Variants in PEAK1 observed in about 807,000 individuals in gnomAD.
The protein encoded by PEAK1 is inactive tyrosine-protein kinase PEAK1.
Under a neutral mutation model 124.7 loss-of-function variants are expected in PEAK1, and 54 were observed. That is an observed-to-expected ratio of 0.43 (90% CI 0.35 to 0.54). The LOEUF (loss-of-function observed/expected upper bound fraction) is 0.54, where lower values mean the gene tolerates loss of function less well. Among genes scored for constraint, PEAK1 ranks in the 20% least tolerant of loss-of-function variants. The probability of loss-of-function intolerance (pLI) is 0.01; values close to 1 mark genes in which losing one functional copy is unlikely to be tolerated. For missense variants in PEAK1, 2,046 were observed against 2,134.5 expected, an observed-to-expected ratio of 0.96 and a Z score of 0.82; for synonymous variants, 719 against 760.0, an observed-to-expected ratio of 0.95 and a Z score of 0.89.
chr15:77,255,866 G>A (rs1158237193), intron 5 of PEAK1, among the ~76,000 whole-genome samples: 4 of 152,172 alleles, frequency 2.6e-5, no homozygotes, highest in African/African-American at 9.6e-5. Context: ...TGACCAGTAT[G>A]CTAAGGCACA....
chr15:77,127,917 T>C (rs1435437024), intron 9 of PEAK1, among the ~76,000 whole-genome samples: 1 of 151,850 alleles, frequency 6.6e-6, no homozygotes, highest in African/African-American at 2.4e-5. Flanking sequence ...CTGTCTCTAC[T>C]AAAAATACAA....
intron 7 of PEAK1, among the ~76,000 whole-genome samples, chr15:77,166,882 G>A (rs757570738): frequency 1.3e-5 from 2 of 152,066 alleles, no homozygotes; most frequent in East Asian, 1.9e-4. Context: ...CAAAGTCTAC[G>A]TTCTAAAATA....
intron 2 of PEAK1, among the ~76,000 whole-genome samples, chr15:77,306,778 A>G (rs1447784412): frequency 6.6e-6 from 1 of 152,148 alleles, no homozygotes; most frequent in Non-Finnish European, 1.5e-5. Context: ...ACTTCAGTTA[A>G]AAGGCCAGTT....
At chr15:77,250,179 A>G (rs1176734751) in intron 6 of PEAK1, among the ~76,000 whole-genome samples, 3 of 113,630 alleles carry the variant, frequency 2.6e-5, no homozygotes, top group Admixed American at 8.9e-5. Context: ...ATATATGTAT[A>G]TGTATATATA....
chr15:77,280,564 CT>C (rs71447149), intron 5 of PEAK1, among the ~76,000 whole-genome samples: 56,329 of 138,552 alleles, frequency 0.41, 10,560 homozygotes, highest in Non-Finnish European at 0.45. Flanking sequence ...AAATGATTTC[CT>C]TTTTTTTTTT....
chr15:77,406,617 C>T (rs560617024), intron 1 of PEAK1, among the ~76,000 whole-genome samples: 1 of 152,278 alleles, frequency 6.6e-6, no homozygotes, highest in South Asian at 2.1e-4. Context: ...TAAAACACTG[C>T]TGAAAGAAAC....
At chr15:77,378,911 T>C (rs1395973883) in intron 1 of PEAK1, among the ~76,000 whole-genome samples, 2 of 152,338 alleles carry the variant, frequency 1.3e-5, no homozygotes, top group African/African-American at 2.4e-5. Context: ...TTTGTTGAGA[T>C]GGACTGTGTA....
chr15:77,259,585 C>T lies in PEAK1; in HGVS notation c.-274-7059G>A, dbSNP rs115889908. On this transcript the variant is annotated intron_variant, in intron 5 of 9. Coordinates refer to ENST00000682557, the MANE Select transcript of PEAK1 (RefSeq NM_001385026.1). ...TTCTGAATTCTGCAAAGGTGTTAGC[C>T]TTAAAACCTATTCTACAATAATTCA... 7.3e-3 allele frequency among the ~76,000 whole-genome samples: 1,112 copies of T among 152,252 alleles called. 15 individuals carry two copies. Among genetic ancestry groups the T allele is most frequent in the African/African-American group, 0.025 (1,057 of 41,548 alleles).
Position 77,368,756 on chromosome 15 carries a change from T to C in PEAK1, c.-665-3531A>G, listed in dbSNP as rs1397134456. On this transcript the variant is annotated intron_variant, in intron 1 of 9. Coordinates refer to ENST00000682557, the MANE Select transcript of PEAK1 (RefSeq NM_001385026.1). ...TAGTGAGAAAATACTTGTTTCATGT[T>C]CAGCAGTGAGTGTAGCAATTCAAGA... Among the ~76,000 whole-genome samples the C allele has an allele frequency of 3.3e-5, 5 of 152,196 alleles. 1 individual carries two copies. Among genetic ancestry groups the C allele is most frequent in the Non-Finnish European group, 7.3e-5 (5 of 68,030 alleles).
At chr15:77,264,667 T>A (rs1157583903) in intron 5 of PEAK1, among the ~76,000 whole-genome samples, 2 of 152,014 alleles carry the variant, frequency 1.3e-5, no homozygotes, top group Non-Finnish European at 2.9e-5. Flanking sequence ...ATCGTGAAAA[T>A]GGCCATACTG....
chr15:77,245,703 C>CA (rs539069311), intron 6 of PEAK1, among the ~76,000 whole-genome samples: 23 of 145,628 alleles, frequency 1.6e-4, no homozygotes, highest in African/African-American at 4.3e-4. Flanking sequence ...GACTCCGTCT[C>CA]AAAAAAAAAA....
chr15:77,258,700 A>G (rs2061292501), intron 5 of PEAK1, among the ~76,000 whole-genome samples: 1 of 152,096 alleles, frequency 6.6e-6, no homozygotes, highest in Admixed American at 6.6e-5. Flanking sequence ...CTCTTTTCCT[A>G]ATTGAATACC....
intron 1 of PEAK1, among the ~76,000 whole-genome samples, chr15:77,396,866 T>C (rs566830632): frequency 5.8e-4 from 88 of 152,232 alleles, no homozygotes; most frequent in Admixed American, 2.3e-3. Flanking sequence ...AAGATGATAA[T>C]AGTTGGAAAC....
chr15:77,286,803 T>C (rs2062953448), intron 2 of PEAK1, among the ~76,000 whole-genome samples: 1 of 152,164 alleles, frequency 6.6e-6, no homozygotes, highest in Non-Finnish European at 1.5e-5. Context: ...TAAAGATAAC[T>C]TCACTATTCA....
intron 6 of PEAK1, 103 bp from the exon 7 acceptor site, chr15:77,182,143 CTTAAA>C: frequency 9.0e-7 from 1 of 1,114,012 alleles, no homozygotes; most frequent in Non-Finnish European, 1.1e-6. Context: ...TAAACTTTTC[CTTAAA>C]TTAAAAGACT....
intron 6 of PEAK1, among the ~76,000 whole-genome samples, chr15:77,199,435 T>C (rs1033262315): frequency 6.6e-6 from 1 of 152,162 alleles, no homozygotes; most frequent in Non-Finnish European, 1.5e-5. Flanking sequence ...TGGAAAGGAC[T>C]GCCAACATTG....
At chr15:77,411,168 G>A (rs2072380418) in intron 1 of PEAK1, among the ~76,000 whole-genome samples, 1 of 151,998 alleles carries the variant, frequency 6.6e-6, no homozygotes, top group South Asian at 2.1e-4. Context: ...AAAAAGGTGG[G>A]GCAAATTCAC....
intron 8 of PEAK1, among the ~76,000 whole-genome samples, chr15:77,153,131 G>A (rs894931094): frequency 1.3e-5 from 2 of 151,480 alleles, no homozygotes; most frequent in Admixed American, 1.3e-4. Flanking sequence ...GACTTTTTTT[G>A]GTTAGTAAGC....
intron 6 of PEAK1, among the ~76,000 whole-genome samples, chr15:77,210,011 C>T (rs2058831144): frequency 6.6e-6 from 1 of 152,120 alleles, no homozygotes. Flanking sequence ...TCTATGTATC[C>T]CTGGGCCAGT....
Sources: gnomAD v4.1 joint callset for allele counts (sites outside exome capture counted in the v4.1 genomes callset) on GRCh38, gnomAD v4.1.1 for gene constraint, MANE v1.5 for transcripts, NCBI Gene and HGNC (gene_info 2026-07-23, HGNC 2026-07-21) for gene names.